TLN2: variants seen among roughly 807,000 people sequenced by gnomAD.
TLN2 encodes talin-2.
Under a neutral mutation model 294.7 loss-of-function variants are expected in TLN2, and 118 were observed. That is an observed-to-expected ratio of 0.40 (90% CI 0.34 to 0.47). The LOEUF is 0.47. TLN2 is among the 20% of genes least tolerant of loss of function. The pLI is 0.84. For missense variants in TLN2, 3,083 were observed against 3,282.2 expected (o/e 0.94, Z 1.48); for synonymous variants, 1,431 against 1,304.5 (o/e 1.10, Z -2.09).
chr15:62,629,346 T>C (rs576719849), intron 3 of TLN2, among the ~76,000 whole-genome samples: 1 of 152,330 alleles, frequency 6.6e-6, no homozygotes, highest in East Asian at 1.9e-4. Flanking sequence ...CATGGTGATA[T>C]CATTTCTCTG....
chr15:62,516,344 T>C (rs1471767561), intron 1 of TLN2, among the ~76,000 whole-genome samples: 3 of 152,212 alleles, frequency 2.0e-5, no homozygotes, highest in African/African-American at 7.2e-5. Context: ...CAGCATCCTT[T>C]CCTCTTTGGA....
At chr15:62,480,693 G>GCGTTCCA in intron 1 of TLN2, among the ~76,000 whole-genome samples, 1 of 152,224 alleles carries the variant, frequency 6.6e-6, no homozygotes, top group African/African-American at 2.4e-5. Context: ...CCAGTCTTCT[G>GCGTTCCA]GTCCTGCGTT....
At chr15:62,779,836 T>G (rs2064000513) in intron 43 of TLN2, among the ~76,000 whole-genome samples, 1 of 152,264 alleles carries the variant, frequency 6.6e-6, no homozygotes, top group African/African-American at 2.4e-5. Context: ...GTTAATAGTT[T>G]GGTGAAAATT....
chr15:62,483,680 C>T (rs1424020189), intron 1 of TLN2, among the ~76,000 whole-genome samples: 1 of 152,174 alleles, frequency 6.6e-6, no homozygotes, highest in African/African-American at 2.4e-5. Context: ...CAAGTAGGCT[C>T]CACTCTAAAA....
intron 1 of TLN2, among the ~76,000 whole-genome samples, chr15:62,570,569 C>T (rs1033981399): frequency 6.6e-6 from 1 of 152,212 alleles, no homozygotes; most frequent in Admixed American, 6.5e-5. Context: ...CCTCCCCTCT[C>T]TGAACAAGTC....
chr15:62,789,910 C>T (rs1567610554), intron 45 of TLN2, among the ~76,000 whole-genome samples: 1 of 152,202 alleles, frequency 6.6e-6, no homozygotes, highest in African/African-American at 2.4e-5. Context: ...ACCTTTCACT[C>T]ATGTGGGTGG....
chr15:62,770,312 C>T (rs2063276067), intron 41 of TLN2, among the ~76,000 whole-genome samples: 1 of 152,234 alleles, frequency 6.6e-6, no homozygotes. Flanking sequence ...CAGCGCCCAG[C>T]TGGTAGGCGA....
At chr15:62,415,908 A>T (rs1382304816) in intron 1 of TLN2, among the ~76,000 whole-genome samples, 1 of 152,216 alleles carries the variant, frequency 6.6e-6, no homozygotes, top group Non-Finnish European at 1.5e-5. Context: ...ACCCTATTTT[A>T]GTTGAAGATG....
chr15:62,785,521 G>A (rs1011285406), intron 45 of TLN2, among the ~76,000 whole-genome samples: 9 of 152,124 alleles, frequency 5.9e-5, no homozygotes, highest in African/African-American at 1.2e-4. Flanking sequence ...GCGTGATGGT[G>A]TGCGCCTGTA....
intron 22 of TLN2, among the ~76,000 whole-genome samples, chr15:62,715,215 G>C (rs1291399515): frequency 6.6e-6 from 1 of 152,206 alleles, no homozygotes; most frequent in Non-Finnish European, 1.5e-5. Context: ...TTTATAAATA[G>C]CTCAAAGAAA....
chr15:62,621,061 G>A (rs191017250), intron 3 of TLN2, among the ~76,000 whole-genome samples: 9 of 150,922 alleles, frequency 6.0e-5, no homozygotes, highest in Admixed American at 2.6e-4. Flanking sequence ...GGATGGTCTC[G>A]ATCTCCTGAC....
chr15:62,725,033 C>T lies in TLN2; in HGVS notation c.3184C>T (p.Leu1062Phe). 1.2e-6 allele frequency: 2 copies of T among 1,613,654 alleles called. No individual in the cohort carries two copies. The highest frequency in any genetic ancestry group is 1.7e-6 in the Non-Finnish European group (2 of 1,179,892). The change falls in exon 27 of 59, where the codon CTT becomes TTT. Residue 1062 changes from leucine to phenylalanine, a missense_variant. Transcript: ENST00000636159. ...IDSALNTVQT[L>F]KNELQDAKMA... ...TTCAGCTCTGAATACGGTGCAGACG[C>T]TTAAGAATGAACTGCAGGATGCCAA...
intron 28 of TLN2, among the ~76,000 whole-genome samples, chr15:62,730,738 C>T (rs1419909789): frequency 1.3e-5 from 2 of 152,014 alleles, no homozygotes; most frequent in Non-Finnish European, 1.5e-5. Flanking sequence ...TTTATTTTTC[C>T]CCTTTCCTTG....
At position 62,792,679 on chromosome 15, in the gene TLN2, C is replaced by T. The variant is rs1239470511; in HGVS notation, c.5775C>T (p.Gly1925=). The change falls in exon 46 of 59, where the codon GGC becomes GGT. Residue 1925 remains glycine (G), a synonymous_variant. Coordinates refer to ENST00000636159, the MANE Select transcript of TLN2 (RefSeq NM_015059.3). ...TTCGCACTCGTGTGCAGGACCTGGG[C>T]CACGGCTGTATCTTCCTGGTGCAGA... The part of the protein sequence containing the change: ...FQIRTRVQDL[G]HGCIFLVQKA... The T allele has an allele frequency of 5.6e-6, 9 of 1,613,778 alleles. No individual in the cohort carries two copies. The Admixed American group carries it at 8.3e-5, about 15-fold the overall frequency.
intron 48 of TLN2, among the ~76,000 whole-genome samples, chr15:62,797,753 C>G (rs1477185823): frequency 6.6e-6 from 1 of 152,140 alleles, no homozygotes; most frequent in Non-Finnish European, 1.5e-5. Context: ...GAAGGGAGAG[C>G]TGGTGTGGGC....
chr15:62,497,719 T>G (rs886111287), intron 1 of TLN2, among the ~76,000 whole-genome samples: 2 of 152,228 alleles, frequency 1.3e-5, no homozygotes, highest in Admixed American at 1.3e-4. Context: ...ACATTTGGTT[T>G]TAGTAGAACT....
At chr15:62,547,925 G>T (rs970988106) in intron 1 of TLN2, among the ~76,000 whole-genome samples, 5 of 152,184 alleles carry the variant, frequency 3.3e-5, no homozygotes, top group Non-Finnish European at 5.9e-5. Context: ...GACTGGCAGT[G>T]ATCAGGAGGT....
intron 1 of TLN2, among the ~76,000 whole-genome samples, chr15:62,440,333 T>C (rs2035485812): frequency 6.6e-6 from 1 of 152,202 alleles, no homozygotes; most frequent in African/African-American, 2.4e-5. Context: ...CATTTAAGAT[T>C]GAGATAGAGA....
intron 13 of TLN2, among the ~76,000 whole-genome samples, chr15:62,693,992 AG>A (rs1413545840): frequency 9.4e-6 from 1 of 106,122 alleles, no homozygotes; most frequent in African/African-American, 5.7e-5. Context: ...TTTTTGAGAC[AG>A]AGTCTCCCTC....
Sources: allele counts gnomAD v4.1 joint callset (sites outside exome capture counted in the v4.1 genomes callset), GRCh38; gene constraint gnomAD v4.1.1; transcripts MANE v1.5; gene names NCBI Gene and HGNC (gene_info 2026-07-23, HGNC 2026-07-21).